KATNIP: variants seen among roughly 807,000 people sequenced by gnomAD.
KATNIP encodes katanin-interacting protein.
Under a neutral mutation model 174.0 loss-of-function variants are expected in KATNIP, and 126 were observed. That is an observed-to-expected ratio of 0.72 (90% CI 0.63 to 0.84). The LOEUF (loss-of-function observed/expected upper bound fraction) is 0.84. Among genes scored for constraint, KATNIP ranks in the 40% least tolerant of loss-of-function variants. The pLI is 0.00. For missense variants in KATNIP, 1,958 were observed against 2,109.7 expected (o/e 0.93, Z 1.41); for synonymous variants, 810 against 835.7 (o/e 0.97, Z 0.53).
At chr16:27,701,502 C>A in intron 10 of KATNIP, 87 bp from the exon 11 acceptor site, 2 of 955,444 alleles carry the variant, frequency 2.1e-6, no homozygotes, top group South Asian at 1.5e-5. Flanking sequence ...TCAGCCTGAG[C>A]ATGCCTGCCC....
intron 6 of KATNIP, among the ~76,000 whole-genome samples, chr16:27,649,063 G>T (rs140305681): frequency 7.8e-4 from 119 of 152,334 alleles, no homozygotes; most frequent in Admixed American, 2.1e-3. Context: ...ATCCCGGAAG[G>T]CTTCCTAGAG....
chr16:27,660,636 C>CT (rs367915880), intron 6 of KATNIP, among the ~76,000 whole-genome samples: 117,388 of 142,280 alleles, frequency 0.83, 48,361 homozygotes, highest in East Asian at 0.97. Context: ...CATATCAGTA[C>CT]TTTTTTTTTT....
chr16:27,691,549 G>A (rs1418100402), intron 8 of KATNIP, among the ~76,000 whole-genome samples: 1 of 152,180 alleles, frequency 6.6e-6, no homozygotes, highest in Admixed American at 6.5e-5. Flanking sequence ...ATTAAAAGGT[G>A]GTTACCTCGT....
intron 15 of KATNIP, 98 bp downstream of exon 15, chr16:27,741,018 C>A: frequency 1.6e-6 from 2 of 1,228,702 alleles, no homozygotes; most frequent in Non-Finnish European, 2.2e-6. Context: ...TCCTTATCTG[C>A]ACAACAAGAT....
chr16:27,558,706 A>G (rs2089729412), intron 1 of KATNIP, among the ~76,000 whole-genome samples: 1 of 152,202 alleles, frequency 6.6e-6, no homozygotes, highest in African/African-American at 2.4e-5. Context: ...GAGTAGTTGT[A>G]AAAGAGACTT....
At chr16:27,731,352 G>A (rs571427883) in intron 14 of KATNIP, among the ~76,000 whole-genome samples, 3 of 152,300 alleles carry the variant, frequency 2.0e-5, no homozygotes, top group Admixed American at 6.5e-5. Context: ...CAGCCTCGAC[G>A]GGTCTATATA....
At chr16:27,728,384 C>T (rs1315892606) in intron 14 of KATNIP, among the ~76,000 whole-genome samples, 1 of 152,212 alleles carries the variant, frequency 6.6e-6, no homozygotes, top group African/African-American at 2.4e-5. Flanking sequence ...TAAAGCGGGT[C>T]CCCAGCCAGC....
At chr16:27,688,555 C>T (rs2078604645) in intron 8 of KATNIP, among the ~76,000 whole-genome samples, 2 of 152,204 alleles carry the variant, frequency 1.3e-5, no homozygotes, top group South Asian at 2.1e-4. Context: ...CGCACCACTG[C>T]ACTCCAGCCT....
intron 1 of KATNIP, among the ~76,000 whole-genome samples, chr16:27,555,263 T>G (rs1567430428): frequency 1.3e-5 from 2 of 152,204 alleles, no homozygotes; most frequent in Non-Finnish European, 1.5e-5. Context: ...CCCTCCAAAC[T>G]GGACTGTAAT....
At chr16:27,773,294 A>G (rs2082377062) in intron 23 of KATNIP, 85 bp downstream of exon 23, 1 of 906,784 alleles carries the variant, frequency 1.1e-6, no homozygotes, top group Non-Finnish European at 1.7e-6. Context: ...CCTTGTGTGC[A>G]GAGGGAAATG....
chr16:27,666,407 G>A (rs1037917273), intron 6 of KATNIP, among the ~76,000 whole-genome samples: 1 of 151,708 alleles, frequency 6.6e-6, no homozygotes, highest in Non-Finnish European at 1.5e-5. Context: ...GTTTTGTTTT[G>A]TTTTGTTTTG....
At chr16:27,655,629 C>T (rs2077257026) in intron 6 of KATNIP, among the ~76,000 whole-genome samples, 1 of 152,124 alleles carries the variant, frequency 6.6e-6, no homozygotes, top group Non-Finnish European at 1.5e-5. Context: ...TAAATGAGCA[C>T]TTACCGAGTG....
At chr16:27,704,090 T>C in intron 12 of KATNIP, 92 bp downstream of exon 12, 1 of 963,108 alleles carries the variant, frequency 1.0e-6, no homozygotes, top group South Asian at 1.4e-5. Context: ...TGACAGTGGT[T>C]AAATGAGCAT....
chr16:27,652,093 GCT>G (rs2077137616), intron 6 of KATNIP, among the ~76,000 whole-genome samples: 1 of 152,210 alleles, frequency 6.6e-6, no homozygotes, highest in Admixed American at 6.5e-5. Context: ...AGGTGTGTGT[GCT>G]CCAGTGTACC....
chr16:27,654,814 G>A lies in KATNIP; in HGVS notation c.540+6079G>A, dbSNP rs1452519290. ...AGCCAAGCAGCTGTGCCTGCCTTAA[G>A]ATGGACTCCGTGAGAGAGTCTAGGA... On this transcript the variant is annotated intron_variant, in intron 6 of 27. Transcript: ENST00000261588. The A allele has an allele frequency of 5.6e-5, 71 of 1,279,146 alleles. No homozygotes were observed. In the Middle Eastern group the frequency reaches 6.5e-4, roughly 12 times the overall value. 79.2% of individuals were successfully genotyped at this position (1,279,146 alleles called of 1,614,324 possible).
chr16:27,711,296 C>G (rs2079563715), intron 13 of KATNIP, among the ~76,000 whole-genome samples: 1 of 152,102 alleles, frequency 6.6e-6, no homozygotes, highest in Non-Finnish European at 1.5e-5. Context: ...TGGGGGAGAT[C>G]GTGCTGTCCT....
intron 2 of KATNIP, among the ~76,000 whole-genome samples, chr16:27,613,521 C>T (rs1304588061): frequency 6.6e-6 from 1 of 152,158 alleles, no homozygotes; most frequent in Non-Finnish European, 1.5e-5. Context: ...CTGTTTCATG[C>T]CATACCCATA....
intron 4 of KATNIP, 101 bp from the exon 5 acceptor site, chr16:27,630,964 G>T: frequency 2.3e-6 from 2 of 856,294 alleles, no homozygotes; most frequent in Non-Finnish European, 3.8e-6. Flanking sequence ...AAGACTTTGG[G>T]CACACTGATA....
At chr16:27,558,938 A>G (rs1373528125) in intron 1 of KATNIP, among the ~76,000 whole-genome samples, 1 of 152,186 alleles carries the variant, frequency 6.6e-6, no homozygotes, top group African/African-American at 2.4e-5. Flanking sequence ...CAGCCTTGTT[A>G]CTGCCAGTGT....
Sources: gnomAD v4.1 joint callset for allele counts (sites outside exome capture counted in the v4.1 genomes callset) on GRCh38, gnomAD v4.1.1 for gene constraint, MANE v1.5 for transcripts, NCBI Gene and HGNC (gene_info 2026-07-23, HGNC 2026-07-21) for gene names.